MYO5B: variants seen among roughly 807,000 people sequenced by gnomAD.
MYO5B encodes the protein unconventional myosin-Vb.
A neutral mutation model predicts 229.3 loss-of-function variants in MYO5B; 143 were observed. The ratio of observed to expected loss-of-function variants is 0.62; its 90% CI spans 0.54 to 0.72. The LOEUF (loss-of-function observed/expected upper bound fraction) is 0.72, where lower values mean the gene tolerates loss of function less well. Ranked by LOEUF, MYO5B falls within the 30% of genes least tolerant of loss-of-function variation. The probability of loss-of-function intolerance (pLI) is 0.00; values close to 1 mark genes in which losing one functional copy is unlikely to be tolerated. For synonymous variants in MYO5B, 918 were observed against 885.2 expected (o/e 1.04, Z -0.66); for missense variants, 2,321 against 2,331.0 (o/e 1.00, Z 0.09).
intron 4 of MYO5B, among the ~76,000 whole-genome samples, chr18:50,029,272 C>T (rs2144370480): frequency 6.6e-6 from 1 of 152,196 alleles, no homozygotes; most frequent in Non-Finnish European, 1.5e-5. Flanking sequence ...GAACGAGAGA[C>T]CCAGGTGAGC....
chr18:50,169,539 C>T lies in MYO5B; in HGVS notation c.27+25228G>A, dbSNP rs564422023. ...AAGACATGGCCCAAGTGGAGAGCCT[C>T]TCTACAGTGACTGGCTGTAATCTAC... On this transcript the variant is annotated intron_variant, in intron 1 of 39. Transcript: ENST00000285039. Among the ~76,000 whole-genome samples the T allele has an allele frequency of 1.6e-5, 2 of 125,806 alleles. 1 individual carries two copies. Among genetic ancestry groups the T allele is most frequent in the Non-Finnish European group, 3.4e-5 (2 of 59,116 alleles). The allele number at this position is 125,806 out of a possible 152,430, so 82.5% of individuals were successfully genotyped here.
At chr18:49,893,512 T>C (rs1168834432) in intron 22 of MYO5B, among the ~76,000 whole-genome samples, 2 of 152,212 alleles carry the variant, frequency 1.3e-5, no homozygotes, top group African/African-American at 4.8e-5. Context: ...ACGTGCTTTC[T>C]CCCAAAGAAT....
intron 1 of MYO5B, among the ~76,000 whole-genome samples, chr18:50,111,510 T>A (rs1271908360): frequency 6.6e-6 from 1 of 152,180 alleles, no homozygotes; most frequent in African/African-American, 2.4e-5. Flanking sequence ...GTATCTCTCA[T>A]TCAAATACAT....
At chr18:49,932,310 G>T (rs2025202033) in intron 16 of MYO5B, among the ~76,000 whole-genome samples, 1 of 152,148 alleles carries the variant, frequency 6.6e-6, no homozygotes, top group African/African-American at 2.4e-5. Flanking sequence ...TTGAGGGCAG[G>T]GTTGGGGACA....
chr18:49,953,386 T>C (rs756141477), intron 13 of MYO5B, 43 bp from the exon 14 acceptor site: 2 of 1,560,430 alleles, frequency 1.3e-6, no homozygotes, highest in African/African-American at 2.7e-5. Context: ...CGTTAGTGCT[T>C]CAGCAGTTTC....
intron 1 of MYO5B, among the ~76,000 whole-genome samples, chr18:50,153,569 C>T (rs536555013): frequency 1.3e-5 from 2 of 152,184 alleles, no homozygotes; most frequent in African/African-American, 2.4e-5. Flanking sequence ...TCCTGCTCAG[C>T]CTCCAGAATA....
chr18:50,053,043 C>G (rs895956677), intron 2 of MYO5B, among the ~76,000 whole-genome samples: 1 of 152,126 alleles, frequency 6.6e-6, no homozygotes, highest in Non-Finnish European at 1.5e-5. Context: ...GCATAGTACA[C>G]CATGGATAAT....
intron 1 of MYO5B, among the ~76,000 whole-genome samples, chr18:50,075,029 C>A (rs957268050): frequency 6.6e-6 from 1 of 152,142 alleles, no homozygotes; most frequent in African/African-American, 2.4e-5. Flanking sequence ...AACTCCTGAC[C>A]TCATGATCTG....
At chr18:50,049,725 C>T (rs1598981755) in intron 2 of MYO5B, among the ~76,000 whole-genome samples, 1 of 152,218 alleles carries the variant, frequency 6.6e-6, no homozygotes, top group Admixed American at 6.5e-5. Flanking sequence ...TGTGCCCAGA[C>T]ATTGCCAAAT....
intron 14 of MYO5B, among the ~76,000 whole-genome samples, chr18:49,945,558 G>A (rs893367339): frequency 1.3e-5 from 2 of 151,898 alleles, no homozygotes; most frequent in African/African-American, 2.4e-5. Flanking sequence ...GCATACCTCC[G>A]GGCACACCTT....
chr18:49,990,344 A>T lies in MYO5B; in HGVS notation c.838+95T>A, dbSNP rs958552073. The T allele has an allele frequency of 1.7e-5, 18 of 1,037,724 alleles. No individual in the cohort carries two copies. In the Middle Eastern group the frequency reaches 7.7e-4, roughly 44 times the overall value. 64.3% of individuals were successfully genotyped at this position (1,037,724 alleles called of 1,614,324 possible). A position where few individuals can be genotyped will look rare whatever the true frequency, so the allele number is the denominator to read the frequency against. On this transcript the variant is annotated intron_variant, in intron 7 of 39. Transcript: ENST00000285039. Reference sequence around the variant, plus strand: ...ACATAAGAGGCAGAGCCGAGACAAGAACCCATGACGGAGGGCTTTGAGCAG... The same window carrying T: ...ACATAAGAGGCAGAGCCGAGACAAGTACCCATGACGGAGGGCTTTGAGCAG...
intron 17 of MYO5B, among the ~76,000 whole-genome samples, chr18:49,916,308 T>A (rs1223863159): frequency 6.6e-6 from 1 of 152,190 alleles, no homozygotes; most frequent in Non-Finnish European, 1.5e-5. Context: ...TCAAGGCCAG[T>A]ACAGGATGAA....
At chr18:50,044,930 T>C (rs3892128) in intron 2 of MYO5B, among the ~76,000 whole-genome samples, 23,473 of 151,946 alleles carry the variant, frequency 0.15, 1,916 homozygotes, top group South Asian at 0.23. Context: ...GGGTAGGCAG[T>C]GAGACACATG....
chr18:50,110,287 G>C (rs531720302), intron 1 of MYO5B, among the ~76,000 whole-genome samples: 1 of 152,088 alleles, frequency 6.6e-6, no homozygotes, highest in South Asian at 2.1e-4. Context: ...GGCAACAACA[G>C]CATCTATGCC....
At chr18:49,889,143 T>A (rs2024680280) in intron 22 of MYO5B, among the ~76,000 whole-genome samples, 1 of 152,252 alleles carries the variant, frequency 6.6e-6, no homozygotes, top group South Asian at 2.1e-4. Context: ...AAAATTGTTT[T>A]TTTAAATAAA....
intron 22 of MYO5B, among the ~76,000 whole-genome samples, chr18:49,888,109 A>G (rs1424851160): frequency 6.6e-6 from 1 of 152,162 alleles, no homozygotes; most frequent in Non-Finnish European, 1.5e-5. Context: ...GGGCTGTAGC[A>G]GCTTCCTATA....
In MYO5B at chr18:49,824,564, A is replaced by T. The variant is rs970708395; in HGVS notation, c.*1907T>A. ...CCACTGCATGTCAAAACTCCTTAACACTCTAACAAGGCATTTTTGGTCTTT... is the reference window on the plus strand; with the variant it reads ...CCACTGCATGTCAAAACTCCTTAACTCTCTAACAAGGCATTTTTGGTCTTT... On this transcript the variant is annotated 3_prime_UTR_variant, in exon 40 of 40. Transcript: ENST00000285039. The T allele has an allele frequency of 1.1e-4, 16 of 152,282 alleles. No homozygotes were observed. The highest frequency in any genetic ancestry group is 3.9e-4 in the African/African-American group (16 of 41,470). 9.4% of individuals were successfully genotyped at this position (152,282 alleles called of 1,614,324 possible).
At chr18:49,884,039 C>T (rs993080029) in intron 22 of MYO5B, among the ~76,000 whole-genome samples, 1 of 151,440 alleles carries the variant, frequency 6.6e-6, no homozygotes, top group African/African-American at 2.4e-5. Flanking sequence ...ATCTTTGTGA[C>T]CTTTGGATTA....
intron 1 of MYO5B, among the ~76,000 whole-genome samples, chr18:50,081,784 T>TAA (rs143100037): frequency 0.046 from 6,984 of 150,314 alleles, 171 homozygotes; most frequent in African/African-American, 0.063. Context: ...TAATCTTTGT[T>TAA]AAAAAAAAAA....
Sources: allele counts gnomAD v4.1 joint callset (sites outside exome capture counted in the v4.1 genomes callset), GRCh38; gene constraint gnomAD v4.1.1; transcripts MANE v1.5; gene names NCBI Gene and HGNC (gene_info 2026-07-23, HGNC 2026-07-21).